The following DYNLT2B variants were observed in gnomAD, a reference collection of about 807,000 sequenced individuals.
DYNLT2B encodes the protein dynein light chain Tctex-type 2B.
In DYNLT2B, 14 loss-of-function variants were observed where a neutral mutation model predicts 19.5. That is an observed-to-expected ratio of 0.72 (90% confidence interval 0.47 to 1.12). The LOEUF is 1.12. DYNLT2B is among the 50% of genes most tolerant of loss of function. The pLI, the probability that DYNLT2B is intolerant of heterozygous loss-of-function variation, is 0.00. For missense variants in DYNLT2B, 133 were observed against 174.7 expected (o/e 0.76, Z 1.35); for synonymous variants, 70 against 59.7 (o/e 1.17, Z -0.79).
intron 4 of DYNLT2B, among the ~76,000 whole-genome samples, chr3:196,294,035 C>G (rs1295528202): frequency 6.6e-6 from 1 of 151,896 alleles, no homozygotes; most frequent in Non-Finnish European, 1.5e-5. Flanking sequence ...CCCCTGATCC[C>G]TAGGGTAGTT....
At chr3:196,298,393 C>T (rs1194437488) in intron 3 of DYNLT2B, among the ~76,000 whole-genome samples, 2 of 152,238 alleles carry the variant, frequency 1.3e-5, no homozygotes, top group Middle Eastern at 6.8e-3. Context: ...CAGCTCACTA[C>T]AACCTCCACC....
At chr3:196,291,396 C>T (rs1199607853) in intron 4 of DYNLT2B, 22 bp from the exon 5 acceptor site, 2 of 1,603,566 alleles carry the variant, frequency 1.2e-6, no homozygotes, top group Non-Finnish European at 1.7e-6. Flanking sequence ...ATACAACACA[C>T]ACACACATCC....
intron 4 of DYNLT2B, 117 bp downstream of exon 4, chr3:196,295,889 A>T: frequency 2.4e-6 from 2 of 840,024 alleles, no homozygotes; most frequent in Non-Finnish European, 3.8e-6. Context: ...TTTCATTCAC[A>T]AGTCAAAGAT....
intron 4 of DYNLT2B, among the ~76,000 whole-genome samples, chr3:196,294,398 G>C (rs1726172825): frequency 6.6e-6 from 1 of 152,176 alleles, no homozygotes; most frequent in South Asian, 2.1e-4. Flanking sequence ...TAGAATTTTA[G>C]AGCTAAAAGC....
chr3:196,300,585 C>T (rs978442468), intron 3 of DYNLT2B, among the ~76,000 whole-genome samples: 2 of 151,324 alleles, frequency 1.3e-5, no homozygotes, highest in Non-Finnish European at 2.9e-5. Context: ...AGAAATTAGC[C>T]GGGCGTGGTG....
At chr3:196,315,227 T>C (rs1224213669) in intron 2 of DYNLT2B, 1 of 426,650 alleles carries the variant, frequency 2.3e-6, no homozygotes, top group South Asian at 1.7e-5. Flanking sequence ...ACATTCTATT[T>C]ACGTTTTTTT....
chr3:196,297,687 CTA>C (rs1203681973), intron 3 of DYNLT2B, among the ~76,000 whole-genome samples: 2 of 152,084 alleles, frequency 1.3e-5, no homozygotes, highest in Non-Finnish European at 2.9e-5. Flanking sequence ...TCACTGAATC[CTA>C]TGAGGTACTA....
intron 2 of DYNLT2B, among the ~76,000 whole-genome samples, chr3:196,313,922 A>T (rs1480003277): frequency 6.6e-6 from 1 of 151,824 alleles, no homozygotes; most frequent in African/African-American, 2.4e-5. Flanking sequence ...ACATGGAGAA[A>T]CCCCGTCTCT....
chr3:196,299,606 G>A (rs2108791884), intron 3 of DYNLT2B, among the ~76,000 whole-genome samples: 1 of 152,238 alleles, frequency 6.6e-6, no homozygotes, highest in Non-Finnish European at 1.5e-5. Flanking sequence ...GTAGAACTGA[G>A]CGTATCACAT....
chr3:196,308,144 A>G (rs1726543009), intron 2 of DYNLT2B, among the ~76,000 whole-genome samples: 1 of 152,082 alleles, frequency 6.6e-6, no homozygotes, highest in African/African-American at 2.4e-5. Context: ...TTATAATTCA[A>G]GGAGTGGCAT....
chr3:196,303,358 T>C (rs1390341507), intron 3 of DYNLT2B, among the ~76,000 whole-genome samples: 2 of 152,160 alleles, frequency 1.3e-5, no homozygotes, highest in Non-Finnish European at 2.9e-5. Flanking sequence ...GCAATTCCCC[T>C]GTCATGATGA....
At chr3:196,314,787 C>A (rs1294101362) in intron 2 of DYNLT2B, among the ~76,000 whole-genome samples, 1 of 151,956 alleles carries the variant, frequency 6.6e-6, no homozygotes, top group Non-Finnish European at 1.5e-5. Context: ...CACCACTGCA[C>A]TCCACCCTGG....
intron 2 of DYNLT2B, among the ~76,000 whole-genome samples, chr3:196,312,939 C>T (rs1726680226): frequency 1.3e-5 from 2 of 152,168 alleles, no homozygotes; most frequent in South Asian, 4.2e-4. Flanking sequence ...ATCACTTGAG[C>T]CCGGGAGGTT....
chr3:196,314,198 T>C (rs1022924597), intron 2 of DYNLT2B, among the ~76,000 whole-genome samples: 2 of 151,926 alleles, frequency 1.3e-5, no homozygotes, highest in African/African-American at 4.8e-5. Context: ...AAAAATGATG[T>C]CTTCTAAGAA....
intron 3 of DYNLT2B, among the ~76,000 whole-genome samples, chr3:196,303,026 TC>T (rs1726393625): frequency 6.6e-6 from 1 of 151,950 alleles, no homozygotes; most frequent in Non-Finnish European, 1.5e-5. Context: ...ATTCTGACCC[TC>T]CCTACACTGC....
rs925613065 is a variant in DYNLT2B, at chr3:196,300,590, G to A, written c.318-4521C>T. On this transcript the variant is annotated intron_variant, in intron 3 of 4. Transcript: ENST00000325318. ...ACTGAAATACAGAAATTAGCCGGGC[G>A]TGGTGGCGTGCGTCTCTAATCCCGG... Among the ~76,000 whole-genome samples the A allele has an allele frequency of 6.6e-5, 10 of 152,048 alleles. No homozygotes were observed. In the East Asian group the frequency reaches 1.2e-3, roughly 18 times the overall value.
intron 2 of DYNLT2B, among the ~76,000 whole-genome samples, chr3:196,309,909 T>C (rs1320186543): frequency 3.3e-5 from 5 of 149,980 alleles, no homozygotes; most frequent in South Asian, 2.1e-4. Context: ...GATTGCGCCA[T>C]TGCACTCCAG....
At chr3:196,297,525 A>G (rs1254450185) in intron 3 of DYNLT2B, among the ~76,000 whole-genome samples, 1 of 144,568 alleles carries the variant, frequency 6.9e-6, no homozygotes, top group Non-Finnish European at 1.5e-5. Flanking sequence ...ACTCTGTCTC[A>G]AAAACTAATA....
intron 1 of DYNLT2B, among the ~76,000 whole-genome samples, chr3:196,317,070 T>TGTG (rs1726851517): frequency 1.5e-5 from 1 of 64,706 alleles, no homozygotes; most frequent in Non-Finnish European, 3.3e-5. Context: ...GTGGTGTGTG[T>TGTG]GTGTGTGTGT....
Sources: gnomAD v4.1 joint callset for allele counts (sites outside exome capture counted in the v4.1 genomes callset) on GRCh38, gnomAD v4.1.1 for gene constraint, MANE v1.5 for transcripts, NCBI Gene and HGNC (gene_info 2026-07-23, HGNC 2026-07-21) for gene names.